CTNNA2: variants seen among roughly 807,000 people sequenced by gnomAD.
CTNNA2 encodes catenin alpha 2.
In CTNNA2, 42 loss-of-function variants were observed where a neutral mutation model predicts 101.0. The ratio of observed to expected loss-of-function variants is 0.42; its 90% CI spans 0.32 to 0.54. CTNNA2 has a LOEUF of 0.54. CTNNA2 is among the 20% of genes least tolerant of loss of function. CTNNA2 has a pLI of 0.14. For synonymous variants in CTNNA2, 450 were observed against 456.4 expected (o/e 0.99, Z 0.18); for missense variants, 871 against 1,223.1 (o/e 0.71, Z 4.29).
intron 9 of CTNNA2, among the ~76,000 whole-genome samples, chr2:80,444,475 C>T (rs753704602): frequency 1.3e-5 from 2 of 152,130 alleles, no homozygotes; most frequent in Non-Finnish European, 2.9e-5. Context: ...TCAATATCAG[C>T]ACCATTGACA....
chr2:79,408,416 T>G (rs1241778182), intron 4 of CTNNA2, among the ~76,000 whole-genome samples: 2 of 151,042 alleles, frequency 1.3e-5, no homozygotes, highest in Admixed American at 6.6e-5. Context: ...AACTCGTCAT[T>G]TAGCATTAGG....
At chr2:80,644,078 T>G (rs1319980182) in intron 18 of CTNNA2, among the ~76,000 whole-genome samples, 2 of 152,148 alleles carry the variant, frequency 1.3e-5, no homozygotes, top group Non-Finnish European at 2.9e-5. Flanking sequence ...GATCAAGTGA[T>G]GCTTCGGGGG....
intron 6 of CTNNA2, among the ~76,000 whole-genome samples, chr2:79,881,763 T>C (rs1026356963): frequency 6.6e-6 from 1 of 151,586 alleles, no homozygotes; most frequent in Non-Finnish European, 1.5e-5. Context: ...TTCATTCAAT[T>C]TGCCAGTCTG....
At chr2:80,259,453 A>G (rs561651833) in intron 7 of CTNNA2, among the ~76,000 whole-genome samples, 3 of 152,304 alleles carry the variant, frequency 2.0e-5, no homozygotes, top group African/African-American at 7.2e-5. Context: ...GGGAGGTCAC[A>G]GGAGCCCCTG....
chr2:79,660,099 A>G (rs1006736133), intron 2 of CTNNA2, among the ~76,000 whole-genome samples: 2 of 152,014 alleles, frequency 1.3e-5, no homozygotes, highest in Non-Finnish European at 2.9e-5. Flanking sequence ...ATAAATACAT[A>G]TGTATATATA....
chr2:79,966,245 C>A (rs945806061), intron 7 of CTNNA2, among the ~76,000 whole-genome samples: 2 of 151,824 alleles, frequency 1.3e-5, no homozygotes, highest in Admixed American at 1.3e-4. Flanking sequence ...TGACTAGAAT[C>A]TTTTTTGGGG....
intron 3 of CTNNA2, among the ~76,000 whole-genome samples, chr2:79,800,857 T>C (rs1314358286): frequency 6.6e-6 from 1 of 152,222 alleles, no homozygotes; most frequent in South Asian, 2.1e-4. Flanking sequence ...GATGTGAATC[T>C]GGTCAGAAAG....
intron 4 of CTNNA2, among the ~76,000 whole-genome samples, chr2:79,459,039 C>T (rs529935433): frequency 2.0e-5 from 3 of 152,080 alleles, no homozygotes; most frequent in African/African-American, 7.2e-5. Flanking sequence ...AATGCATTAA[C>T]AGTACTAGTA....
intron 9 of CTNNA2, among the ~76,000 whole-genome samples, 184 bp downstream of exon 9, chr2:80,419,785 T>C (rs1019699260): frequency 6.6e-6 from 1 of 152,086 alleles, no homozygotes; most frequent in Non-Finnish European, 1.5e-5. Flanking sequence ...ACGAATCATC[T>C]TTCTTTTATC....
intron 7 of CTNNA2, among the ~76,000 whole-genome samples, chr2:80,295,810 T>A (rs1424367253): frequency 6.6e-6 from 1 of 152,206 alleles, no homozygotes. Flanking sequence ...CCTGCAGAAA[T>A]GTTATGATTA....
chr2:79,205,178 C>T (rs951058326), intron 2 of CTNNA2, among the ~76,000 whole-genome samples: 1 of 152,062 alleles, frequency 6.6e-6, no homozygotes, highest in Non-Finnish European at 1.5e-5. Flanking sequence ...CAGATTGGAG[C>T]TTCCATATAA....
intron 3 of CTNNA2, among the ~76,000 whole-genome samples, chr2:79,337,537 C>T (rs1677021371): frequency 6.6e-6 from 1 of 152,132 alleles, no homozygotes; most frequent in Non-Finnish European, 1.5e-5. Flanking sequence ...TGTAACAAAC[C>T]TGCACATGTA....
rs112659008 is a variant in CTNNA2 at position 79,840,984 on chromosome 2, T to A, written c.299-17029T>A. ...CGGGGTTTCACCGTGTTAGCCAACA[T>A]GGTCTTGATCTCCTGACCTCGTGAT... On this transcript the variant is annotated intron_variant, in intron 3 of 18. Coordinates refer to ENST00000402739, the MANE Select transcript of CTNNA2 (RefSeq NM_001282597.3). 3.3e-3 allele frequency among the ~76,000 whole-genome samples: 503 copies of A among 152,294 alleles called. 1 individual carries two copies. Among genetic ancestry groups the A allele is most frequent in the Middle Eastern group, 0.014 (4 of 294 alleles).
At chr2:79,526,207 A>G (rs1672396371) in intron 1 of CTNNA2, among the ~76,000 whole-genome samples, 1 of 152,066 alleles carries the variant, frequency 6.6e-6, no homozygotes, top group Admixed American at 6.6e-5. Flanking sequence ...TGCTAACTTT[A>G]AATAGTTTTT....
intron 7 of CTNNA2, among the ~76,000 whole-genome samples, chr2:80,275,464 AATG>A (rs1673827871): frequency 6.6e-6 from 1 of 152,228 alleles, no homozygotes; most frequent in Non-Finnish European, 1.5e-5. Context: ...ATGATGATTG[AATG>A]ATGATTTTTT....
intron 7 of CTNNA2, among the ~76,000 whole-genome samples, chr2:80,033,060 A>T (rs1038367316): frequency 2.0e-5 from 3 of 147,980 alleles, no homozygotes; most frequent in Non-Finnish European, 4.5e-5. Context: ...CTGTGGCAGG[A>T]GAATTGCTTG....
Position 79,732,642 on chromosome 2 carries a change from A to C in CTNNA2, c.103-11745A>C, listed in dbSNP as rs558473791. ...GTAGACATTTAAAAGAATGGCATAC[A>C]CTTTTAAAAACAACATTCTATTTGT... On this transcript the variant is annotated intron_variant, in intron 2 of 18. Transcript: ENST00000402739. Among the ~76,000 whole-genome samples, 98 of 152,240 alleles carry C rather than the reference A, an allele frequency of 6.4e-4. 1 individual carries two copies. The highest frequency in any genetic ancestry group is 1.0e-3 in the South Asian group (5 of 4,826).
At chr2:80,620,417 A>T (rs931671664) in intron 18 of CTNNA2, among the ~76,000 whole-genome samples, 1 of 151,870 alleles carries the variant, frequency 6.6e-6, no homozygotes, top group Admixed American at 6.6e-5. Flanking sequence ...TTATATTTAA[A>T]AGCACTACAG....
chr2:79,400,688 A>C (rs765342251), intron 4 of CTNNA2, among the ~76,000 whole-genome samples: 1 of 151,998 alleles, frequency 6.6e-6, no homozygotes, highest in Non-Finnish European at 1.5e-5. Context: ...ACACATATTC[A>C]GAGTGCCAGA....
Sources: gnomAD v4.1 joint callset for allele counts (sites outside exome capture counted in the v4.1 genomes callset) on GRCh38, gnomAD v4.1.1 for gene constraint, MANE v1.5 for transcripts, NCBI Gene and HGNC (gene_info 2026-07-23, HGNC 2026-07-21) for gene names.